The following CFAP418 variants were observed in gnomAD, a reference collection of about 807,000 sequenced individuals.
CFAP418 encodes cilia and flagella associated protein 418, also known as cilia- and flagella-associated protein 418.
A neutral mutation model predicts 24.7 loss-of-function variants in CFAP418; 27 were observed. The observed-to-expected ratio is 1.09, with a 90% CI of 0.81 to 1.51. CFAP418 has a LOEUF of 1.51. Ranked by LOEUF, CFAP418 falls within the 40% of genes most tolerant of loss-of-function variation. The pLI, the probability that CFAP418 is intolerant of heterozygous loss-of-function variation, is 0.00. For synonymous variants in CFAP418, 74 were observed against 87.3 expected, an observed-to-expected ratio of 0.85 and a Z score of 0.85; for missense variants, 257 against 255.2, an observed-to-expected ratio of 1.01 and a Z score of -0.05.
In CFAP418 at chr8:95,269,069, C is replaced by A; in HGVS notation, c.121G>T (p.Asp41Tyr). The change falls in exon 1 of 6, where the codon GAC becomes TAC. Residue 41 changes from aspartate (D) to tyrosine (Y), a missense_variant. Asp to Tyr is a radical substitution (Grantham distance 160). Transcript: ENST00000286688. ...TCTTTCGCCTTGGCTTGGTTCCGGT[C>A]GCTACTGTGGGTGCCGCCGCCGCAG... ...KGCGGGTHSS[D>Y]RNQAKAKETL... 2 of 1,614,158 alleles carry A rather than the reference C, an allele frequency of 1.2e-6. No individual in the cohort carries two copies. Among genetic ancestry groups the A allele is most frequent in the African/African-American group, 1.3e-5 (1 of 75,058 alleles).
chr8:95,269,160 A>T lies in CFAP418; in HGVS notation c.30T>A (p.Asp10Glu), dbSNP rs1812105452. 6.2e-7 allele frequency: 1 copy of T among 1,614,112 alleles called. No individual in the cohort carries two copies. The highest frequency in any genetic ancestry group is 1.3e-5 in the African/African-American group (1 of 74,944). The change falls in exon 1 of 6, where the codon GAT (aspartate) becomes GAA (glutamate). Residue 10 changes from aspartate to glutamate, a missense_variant. Coordinates refer to ENST00000286688, the MANE Select transcript of CFAP418 (RefSeq NM_177965.4). ...GTGTGCAAAACTTGGACTCGACTTC[A>T]TCCAAGAGCTCGTCCAGGTCCTCCG... MAEDLDELLDEVESKFCTPD... is the reference protein window; with the variant it reads MAEDLDELLEEVESKFCTPD...
intron 4 of CFAP418, among the ~76,000 whole-genome samples, chr8:95,253,037 C>T (rs541026347): frequency 2.0e-5 from 3 of 151,832 alleles, no homozygotes; most frequent in South Asian, 2.1e-4. Flanking sequence ...TGGCCGGGCG[C>T]GGTGGCTCAC....
At chr8:95,257,924 G>A (rs1408535887) in intron 4 of CFAP418, among the ~76,000 whole-genome samples, 1 of 152,150 alleles carries the variant, frequency 6.6e-6, no homozygotes, top group African/African-American at 2.4e-5. Context: ...AAGGCACACT[G>A]TTACTATGAG....
At chr8:95,260,581 G>A (rs758685698) in intron 2 of CFAP418, 49 bp from the exon 3 acceptor site, 19 of 1,138,444 alleles carry the variant, frequency 1.7e-5, no homozygotes, top group Non-Finnish European at 1.0e-5. Context: ...TTAGAAAACT[G>A]TAACATGAAA....
intron 5 of CFAP418, among the ~76,000 whole-genome samples, chr8:95,248,261 T>C (rs1811657338): frequency 6.6e-6 from 1 of 152,238 alleles, no homozygotes; most frequent in Non-Finnish European, 1.5e-5. Context: ...CTGTACTTTT[T>C]ATGGCAATCC....
At chr8:95,258,157 C>T (rs773885757) in intron 4 of CFAP418, among the ~76,000 whole-genome samples, 8 of 152,056 alleles carry the variant, frequency 5.3e-5, no homozygotes, top group Non-Finnish European at 1.0e-4. Context: ...CCGAGGAGAA[C>T]AGATCATGAG....
chr8:95,256,158 C>T (rs1232717996), intron 4 of CFAP418, among the ~76,000 whole-genome samples: 2 of 151,978 alleles, frequency 1.3e-5, no homozygotes, highest in African/African-American at 2.4e-5. Context: ...AAAGTACGTA[C>T]AAAATATTTC....
At chr8:95,263,056 T>C (rs1811919950) in intron 2 of CFAP418, among the ~76,000 whole-genome samples, 1 of 152,152 alleles carries the variant, frequency 6.6e-6, no homozygotes, top group Admixed American at 6.6e-5. Context: ...TGGTTATCTT[T>C]GGGAAGGAAG....
intron 1 of CFAP418, chr8:95,268,738 A>G (rs2514556): frequency 0.99 from 196,218 of 197,218 alleles, 97,613 homozygotes; most frequent in East Asian, 1. Flanking sequence ...ACTGGCGCGG[A>G]CTGCGGGCTC....
chr8:95,259,295 G>A (rs1811847241), intron 4 of CFAP418, among the ~76,000 whole-genome samples: 1 of 152,200 alleles, frequency 6.6e-6, no homozygotes, highest in African/African-American at 2.4e-5. Flanking sequence ...GCTAATATGG[G>A]TTTGGGGTAG....
In CFAP418 at chr8:95,245,565, C is replaced by G. The variant is rs1167387404; in HGVS notation, c.*2052G>C. 6.6e-6 allele frequency: 1 copy of G among 152,054 alleles called. No individual in the cohort carries two copies. Among genetic ancestry groups the G allele is most frequent in the Non-Finnish European group, 1.5e-5 (1 of 68,012 alleles). 9.4% of individuals were successfully genotyped at this position (152,054 alleles called of 1,614,324 possible). On this transcript the variant is annotated 3_prime_UTR_variant, in exon 6 of 6. Transcript: ENST00000286688. ...ATCATTCTGGCCAACATGGTGAAAC[C>G]CTGTCTCTATTAAAAATACAAAAAT...
chr8:95,261,929 A>AT (rs1257273931), intron 2 of CFAP418, among the ~76,000 whole-genome samples: 1 of 152,224 alleles, frequency 6.6e-6, no homozygotes, highest in Non-Finnish European at 1.5e-5. Context: ...TTTTTCTACC[A>AT]TTAATTAGTA....
chr8:95,263,936 A>C (rs551400585), intron 1 of CFAP418, among the ~76,000 whole-genome samples, 162 bp from the exon 2 acceptor site: 1 of 152,282 alleles, frequency 6.6e-6, no homozygotes, highest in South Asian at 2.1e-4. Flanking sequence ...GTTTGTTGAG[A>C]CAAAGATATA....
chr8:95,266,389 T>C (rs1442214733), intron 1 of CFAP418, among the ~76,000 whole-genome samples: 1 of 152,216 alleles, frequency 6.6e-6, no homozygotes. Context: ...CTTCAACAAA[T>C]TGCATGTTTT....
intron 4 of CFAP418, among the ~76,000 whole-genome samples, chr8:95,253,132 A>T (rs1811734119): frequency 6.6e-6 from 1 of 152,058 alleles, no homozygotes; most frequent in African/African-American, 2.4e-5. Flanking sequence ...ACACAGTGAA[A>T]CCCCATCTCT....
intron 5 of CFAP418, 33 bp downstream of exon 5, chr8:95,252,155 C>G (rs756024557): frequency 6.6e-7 from 1 of 1,519,828 alleles, no homozygotes; most frequent in South Asian, 1.1e-5. Flanking sequence ...CTACTTGGTA[C>G]TTTTTTCAGA....
At chr8:95,251,448 T>G (rs1811706742) in intron 5 of CFAP418, among the ~76,000 whole-genome samples, 1 of 152,186 alleles carries the variant, frequency 6.6e-6, no homozygotes, top group African/African-American at 2.4e-5. Context: ...ATATACATTG[T>G]GGGAAGACAA....
At chr8:95,253,115 C>T (rs1811733942) in intron 4 of CFAP418, among the ~76,000 whole-genome samples, 1 of 152,174 alleles carries the variant, frequency 6.6e-6, no homozygotes, top group Non-Finnish European at 1.5e-5. Flanking sequence ...CGAGACCATC[C>T]TGGCTAACAC....
rs765023198 is a variant in CFAP418 at position 95,260,455 on chromosome 8, A to G, written c.308+13T>C. 1.4e-5 allele frequency: 22 copies of G among 1,569,676 alleles called. No individual in the cohort carries two copies. In the East Asian group the frequency reaches 3.7e-4, roughly 26 times the overall value. ...AATAGTGTGTATAATTCACCAAAGC[A>G]ATCTCAACTTACCTTTTACCAAGGC... On this transcript the variant is annotated intron_variant, in intron 3 of 5. Transcript: ENST00000286688.
Sources: allele counts gnomAD v4.1 joint callset (sites outside exome capture counted in the v4.1 genomes callset), GRCh38; gene constraint gnomAD v4.1.1; transcripts MANE v1.5; gene names NCBI Gene and HGNC (gene_info 2026-07-23, HGNC 2026-07-21).